The following THSD7B variants were observed in gnomAD, a reference collection of about 807,000 sequenced individuals.
THSD7B encodes thrombospondin type 1 domain containing 7B, also known as thrombospondin type-1 domain-containing protein 7B.
Under a neutral mutation model 213.6 loss-of-function variants are expected in THSD7B, and 138 were observed. The observed-to-expected ratio is 0.65, with a 90% CI of 0.56 to 0.74. The LOEUF is 0.74. Among genes scored for constraint, THSD7B ranks in the 30% least tolerant of loss-of-function variants. THSD7B has a pLI of 0.00. For synonymous variants in THSD7B, 742 were observed against 687.0 expected (o/e 1.08, Z -1.25); for missense variants, 1,931 against 1,991.5 (o/e 0.97, Z 0.58).
intron 2 of THSD7B, among the ~76,000 whole-genome samples, chr2:136,965,209 T>C (rs1685293977): frequency 6.6e-6 from 1 of 152,200 alleles, no homozygotes; most frequent in Admixed American, 6.5e-5. Context: ...ACACGGCTTC[T>C]ACACTTGGTT....
intron 1 of THSD7B, among the ~76,000 whole-genome samples, chr2:136,869,075 T>C (rs1009060350): frequency 1.3e-5 from 2 of 152,306 alleles, no homozygotes; most frequent in African/African-American, 4.8e-5. Context: ...TTAAATGATT[T>C]AACTTCCTTT....
At chr2:137,215,354 AT>A (rs1263896737) in intron 7 of THSD7B, among the ~76,000 whole-genome samples, 1 of 152,158 alleles carries the variant, frequency 6.6e-6, no homozygotes, top group Non-Finnish European at 1.5e-5. Context: ...GGATACAAGC[AT>A]TTTAACAGAA....
At chr2:137,669,100 C>T (rs999203149) in intron 27 of THSD7B, among the ~76,000 whole-genome samples, 5 of 152,064 alleles carry the variant, frequency 3.3e-5, no homozygotes, top group Non-Finnish European at 7.4e-5. Context: ...TTAATGAGAT[C>T]AAAGTGTTAC....
chr2:136,933,926 T>A (rs1452292691), intron 2 of THSD7B, among the ~76,000 whole-genome samples: 1 of 152,168 alleles, frequency 6.6e-6, no homozygotes, highest in East Asian at 1.9e-4. Flanking sequence ...CATAGCTATT[T>A]AGGTTGCGCT....
At chr2:137,246,099 G>T (rs1343037791) in intron 10 of THSD7B, among the ~76,000 whole-genome samples, 1 of 152,186 alleles carries the variant, frequency 6.6e-6, no homozygotes, top group Non-Finnish European at 1.5e-5. Context: ...GGTGGGGACA[G>T]GGTGGGAGGT....
intron 2 of THSD7B, among the ~76,000 whole-genome samples, chr2:137,023,161 G>A (rs1686477312): frequency 6.6e-6 from 1 of 152,178 alleles, no homozygotes; most frequent in South Asian, 2.1e-4. Flanking sequence ...TGGGCAGAGG[G>A]TGGTAAACCA....
chr2:137,629,206 G>A (rs145110136), intron 20 of THSD7B, among the ~76,000 whole-genome samples: 3 of 152,186 alleles, frequency 2.0e-5, no homozygotes, highest in East Asian at 3.9e-4. Flanking sequence ...AAGAAACAGT[G>A]GCTGTTTCTT....
At chr2:137,269,126 T>A (rs529032951) in intron 10 of THSD7B, among the ~76,000 whole-genome samples, 1 of 152,252 alleles carries the variant, frequency 6.6e-6, no homozygotes, top group East Asian at 1.9e-4. Context: ...TAGCTTAAGA[T>A]CCTCCCTTAA....
chr2:137,518,021 A>T (rs1208529571), intron 15 of THSD7B, among the ~76,000 whole-genome samples: 1 of 151,436 alleles, frequency 6.6e-6, no homozygotes, highest in Non-Finnish European at 1.5e-5. Flanking sequence ...TAAATCATCA[A>T]ATGGAAGTGG....
intron 27 of THSD7B, among the ~76,000 whole-genome samples, chr2:137,675,446 A>ATG (rs1683678890): frequency 7.6e-6 from 1 of 132,306 alleles, no homozygotes; most frequent in Non-Finnish European, 1.5e-5. Flanking sequence ...ATATATATAT[A>ATG]TGCGGACAGT....
chr2:137,361,792 A>C (rs998267536), intron 12 of THSD7B, among the ~76,000 whole-genome samples: 9 of 152,336 alleles, frequency 5.9e-5, no homozygotes, highest in African/African-American at 2.2e-4. Flanking sequence ...GAATGGAACC[A>C]AGTTGGAAAA....
At chr2:137,077,594 T>C (rs1687657183) in intron 3 of THSD7B, among the ~76,000 whole-genome samples, 1 of 152,210 alleles carries the variant, frequency 6.6e-6, no homozygotes, top group African/African-American at 2.4e-5. Context: ...GAGCATTTTT[T>C]CATGTGTCTT....
intron 15 of THSD7B, among the ~76,000 whole-genome samples, chr2:137,486,080 GCAT>G (rs1234095432): frequency 6.6e-6 from 1 of 152,186 alleles, no homozygotes; most frequent in East Asian, 1.9e-4. Context: ...GGAAGAAACT[GCAT>G]CAACTAACAA....
chr2:137,109,086 T>C (rs2104932678), intron 4 of THSD7B, among the ~76,000 whole-genome samples: 1 of 152,282 alleles, frequency 6.6e-6, no homozygotes, highest in South Asian at 2.1e-4. Flanking sequence ...ATCTAATCTC[T>C]TTGCCCTACA....
chr2:137,453,332 T>TTTTC (rs1687690522), intron 15 of THSD7B, among the ~76,000 whole-genome samples: 1 of 132,534 alleles, frequency 7.5e-6, no homozygotes, highest in Non-Finnish European at 1.6e-5. Context: ...TTTACTTTTT[T>TTTTC]TTTTTTTTTT....
intron 2 of THSD7B, among the ~76,000 whole-genome samples, chr2:136,884,208 T>A (rs62172301): frequency 0.08 from 12,158 of 152,166 alleles, 579 homozygotes; most frequent in Middle Eastern, 0.15. Context: ...TGAGAAGAGT[T>A]TCATAGAAGG....
At chr2:137,189,929 A>G (rs1362004219) in intron 7 of THSD7B, among the ~76,000 whole-genome samples, 1 of 151,824 alleles carries the variant, frequency 6.6e-6, no homozygotes, top group Non-Finnish European at 1.5e-5. Flanking sequence ...TTCCTAGCAC[A>G]TTGTTAGACT....
chr2:137,281,129 A>C (rs10928605), intron 12 of THSD7B, among the ~76,000 whole-genome samples: 25,237 of 151,976 alleles, frequency 0.17, 2,559 homozygotes, highest in East Asian at 0.48. Context: ...TTTCCCTGAG[A>C]AATGTTTAGG....
chr2:137,526,532 C>G lies in THSD7B; in HGVS notation c.3139-36689C>G, dbSNP rs544419399. On this transcript the variant is annotated intron_variant, in intron 15 of 27. Coordinates refer to ENST00000409968, the MANE Select transcript of THSD7B (RefSeq NM_001316349.2). ...TGCCTCCTAGGTTCAAGCAATTCTC[C>G]TGTCTCAGCCTCCTGAGTAGCTGGG... Among the ~76,000 whole-genome samples, 3 of 152,204 alleles carry G rather than the reference C, an allele frequency of 2.0e-5. No individual in the cohort carries two copies. The East Asian group carries it at 5.8e-4, about 30-fold the overall frequency.
Sources: allele counts gnomAD v4.1 joint callset (sites outside exome capture counted in the v4.1 genomes callset), GRCh38; gene constraint gnomAD v4.1.1; transcripts MANE v1.5; gene names NCBI Gene and HGNC (gene_info 2026-07-23, HGNC 2026-07-21).